PIK3CB: variants seen among roughly 807,000 people sequenced by gnomAD.
PIK3CB encodes phosphatidylinositol-4,5-bisphosphate 3-kinase catalytic subunit beta, also known as phosphatidylinositol 4,5-bisphosphate 3-kinase catalytic subunit beta isoform.
In PIK3CB, 39 loss-of-function variants were observed where a neutral mutation model predicts 136.8. That is an observed-to-expected ratio of 0.29 (90% CI 0.22 to 0.37). The LOEUF (loss-of-function observed/expected upper bound fraction) is 0.37. Ranked by LOEUF, PIK3CB falls within the 10% of genes least tolerant of loss-of-function variation. The pLI is 1.00. For missense variants in PIK3CB, 868 were observed against 1,275.4 expected (o/e 0.68, Z 4.87); for synonymous variants, 428 against 436.6 (o/e 0.98, Z 0.25).
At position 138,829,253 on chromosome 3, in the gene PIK3CB, T is replaced by C. The variant is rs902746070; in HGVS notation, c.-122+5442A>G. On this transcript the variant is annotated intron_variant, in intron 1 of 23. Coordinates refer to ENST00000674063, the MANE Select transcript of PIK3CB (RefSeq NM_006219.3). ...GCAACATAGCAAGATCCCATCTCTA[T>C]TTTAAAAATAAAATAAAATAAAAAT... 3.9e-5 allele frequency among the ~76,000 whole-genome samples: 6 copies of C among 152,176 alleles called. No homozygotes were observed. The South Asian group carries it at 1.2e-3, about 32-fold the overall frequency.
chr3:138,664,290 T>A (rs1270670507), intron 20 of PIK3CB, among the ~76,000 whole-genome samples: 1 of 152,102 alleles, frequency 6.6e-6, no homozygotes, highest in African/African-American at 2.4e-5. Context: ...TCGGTGGGGC[T>A]GTGAGTAGAC....
At chr3:138,779,202 C>T (rs2045895221) in intron 2 of PIK3CB, among the ~76,000 whole-genome samples, 1 of 151,500 alleles carries the variant, frequency 6.6e-6, no homozygotes, top group African/African-American at 2.4e-5. Context: ...TCTCCTGCCT[C>T]AGCTTCCCGA....
At chr3:138,800,044 TCA>T (rs1249208875) in intron 1 of PIK3CB, among the ~76,000 whole-genome samples, 6 of 152,162 alleles carry the variant, frequency 3.9e-5, no homozygotes, top group Non-Finnish European at 8.8e-5. Context: ...TTTCTCTTCC[TCA>T]CACTTTGTTC....
chr3:138,769,797 A>T (rs891215692), intron 2 of PIK3CB, among the ~76,000 whole-genome samples: 2 of 152,222 alleles, frequency 1.3e-5, no homozygotes, highest in African/African-American at 4.8e-5. Flanking sequence ...CTTATTTTAT[A>T]GGACTACACA....
At chr3:138,700,755 T>G (rs538743817) in intron 12 of PIK3CB, among the ~76,000 whole-genome samples, 4 of 150,614 alleles carry the variant, frequency 2.7e-5, no homozygotes, top group African/African-American at 9.8e-5. Context: ...AGAGATAGAG[T>G]AGAAGAAAAG....
Position 138,652,701 on chromosome 3 carries a change from C to G in PIK3CB, c.*2688G>C. The G allele has an allele frequency of 4.9e-6, 1 of 205,666 alleles. No individual in the cohort carries two copies. The highest frequency in any genetic ancestry group is 9.9e-6 in the Non-Finnish European group (1 of 100,922). The allele number at this position is 205,666 out of a possible 1,614,324, so 12.7% of individuals were successfully genotyped here. A position where few individuals can be genotyped will look rare whatever the true frequency, so the allele number is the denominator to read the frequency against. On this transcript the variant is annotated 3_prime_UTR_variant, in exon 24 of 24. Coordinates refer to ENST00000674063, the MANE Select transcript of PIK3CB (RefSeq NM_006219.3). ...AGTATTTGATAGCACAACAGAGTAACTATAGTCGATAATTTAATTATAGAT... is the reference window on the plus strand; with the variant it reads ...AGTATTTGATAGCACAACAGAGTAAGTATAGTCGATAATTTAATTATAGAT...
chr3:138,757,415 C>CA (rs1184655227), intron 3 of PIK3CB, among the ~76,000 whole-genome samples: 21 of 142,648 alleles, frequency 1.5e-4, no homozygotes, highest in Admixed American at 1.3e-3. Flanking sequence ...AAAAACAAAA[C>CA]AAAAAACAAA....
intron 19 of PIK3CB, among the ~76,000 whole-genome samples, chr3:138,678,397 A>G (rs1165495075): frequency 6.6e-6 from 1 of 152,188 alleles, no homozygotes; most frequent in Admixed American, 6.6e-5. Flanking sequence ...AAGAATTTAA[A>G]AAGTATTTTA....
intron 1 of PIK3CB, among the ~76,000 whole-genome samples, chr3:138,800,354 CAG>C (rs1011583621): frequency 6.7e-6 from 1 of 149,376 alleles, no homozygotes; most frequent in African/African-American, 2.5e-5. Context: ...TTTTTTTAAA[CAG>C]AGTCTTTGTC....
chr3:138,721,306 G>A (rs1299896647), intron 8 of PIK3CB, among the ~76,000 whole-genome samples: 1 of 152,056 alleles, frequency 6.6e-6, no homozygotes, highest in East Asian at 1.9e-4. Context: ...GGGATTATAA[G>A]CACCTGCCAC....
chr3:138,769,597 A>G (rs2045775981), intron 2 of PIK3CB, among the ~76,000 whole-genome samples: 1 of 152,234 alleles, frequency 6.6e-6, no homozygotes, highest in Non-Finnish European at 1.5e-5. Context: ...CATACTCACA[A>G]AATGTGGTGT....
chr3:138,715,998 T>C (rs2044598882), intron 8 of PIK3CB, among the ~76,000 whole-genome samples: 1 of 152,140 alleles, frequency 6.6e-6, no homozygotes, highest in Non-Finnish European at 1.5e-5. Flanking sequence ...ATCTGGATGA[T>C]GGGTTCATGG....
At chr3:138,827,215 G>A (rs1232090289) in intron 1 of PIK3CB, among the ~76,000 whole-genome samples, 4 of 152,206 alleles carry the variant, frequency 2.6e-5, no homozygotes, top group African/African-American at 9.6e-5. Context: ...AGGTGGTTTT[G>A]TTTGGTTCCT....
chr3:138,760,250 C>T lies in PIK3CB; in HGVS notation c.-16-891G>A, dbSNP rs112808655. ...CAAGGACAATTTTCTATCAACCTCA[C>T]GGCCCATCCCCTAAGCATTAAAAAC... On this transcript the variant is annotated intron_variant, in intron 2 of 23. Coordinates refer to ENST00000674063, the MANE Select transcript of PIK3CB (RefSeq NM_006219.3). Among the ~76,000 whole-genome samples, 765 of 152,228 alleles carry T rather than the reference C, an allele frequency of 5.0e-3. 7 individuals are homozygous for T. The highest frequency in any genetic ancestry group is 0.018 in the African/African-American group (733 of 41,548).
intron 19 of PIK3CB, among the ~76,000 whole-genome samples, chr3:138,666,567 T>C (rs985297561): frequency 6.6e-6 from 1 of 152,208 alleles, no homozygotes; most frequent in Non-Finnish European, 1.5e-5. Flanking sequence ...GTAACTTATA[T>C]GAGCTCTTTG....
chr3:138,755,689 T>C (rs2045552607), intron 4 of PIK3CB, 65 bp downstream of exon 4: 1 of 730,030 alleles, frequency 1.4e-6, no homozygotes, highest in South Asian at 1.9e-5. Flanking sequence ...TTAAATATAC[T>C]TACTATATGT....
At chr3:138,811,882 A>G (rs1395604113) in intron 1 of PIK3CB, among the ~76,000 whole-genome samples, 1 of 152,068 alleles carries the variant, frequency 6.6e-6, no homozygotes, top group African/African-American at 2.4e-5. Context: ...GGAGCCCAGG[A>G]GTTCAAGACC....
At chr3:138,829,643 C>T (rs1362619489) in intron 1 of PIK3CB, among the ~76,000 whole-genome samples, 1 of 152,018 alleles carries the variant, frequency 6.6e-6, no homozygotes, top group African/African-American at 2.4e-5. Flanking sequence ...TAGGGTTAGC[C>T]GGGCGTGGTG....
chr3:138,689,014 A>G, intron 15 of PIK3CB, 40 bp from the exon 16 acceptor site: 1 of 1,196,722 alleles, frequency 8.4e-7, no homozygotes, highest in Non-Finnish European at 1.2e-6. Flanking sequence ...TTGTTTATCA[A>G]ACACTTCAGA....
Sources: gnomAD v4.1 joint callset for allele counts (sites outside exome capture counted in the v4.1 genomes callset) on GRCh38, gnomAD v4.1.1 for gene constraint, MANE v1.5 for transcripts, NCBI Gene and HGNC (gene_info 2026-07-23, HGNC 2026-07-21) for gene names.